Variants in CHI3L2 observed in about 807,000 individuals in gnomAD.
The protein encoded by CHI3L2 is chitinase-3-like protein 2.
A neutral mutation model predicts 47.3 loss-of-function variants in CHI3L2; 47 were observed. The ratio of observed to expected loss-of-function variants is 0.99; its 90% CI spans 0.79 to 1.27. CHI3L2 has a LOEUF of 1.27. CHI3L2 is among the 50% of genes most tolerant of loss of function. The pLI is 0.00. For missense variants in CHI3L2, 497 were observed against 462.1 expected (o/e 1.08, Z -0.69); for synonymous variants, 198 against 169.9 (o/e 1.17, Z -1.28).
At chr1:111,231,127 A>G in intron 3 of CHI3L2, 111 bp from the exon 4 acceptor site, 2 of 1,071,836 alleles carry the variant, frequency 1.9e-6, no homozygotes, top group Non-Finnish European at 2.8e-6. Flanking sequence ...CTTTAGTTCA[A>G]ACAGCCAGGC....
At chr1:111,238,600 C>T (rs1659952473) in intron 7 of CHI3L2, 150 bp from the exon 8 acceptor site, 1 of 694,256 alleles carries the variant, frequency 1.4e-6, no homozygotes, top group Non-Finnish European at 2.4e-6. Flanking sequence ...TTACAACAAG[C>T]ACTCTGGTCC....
At chr1:111,230,611 C>T (rs1172527491) in intron 2 of CHI3L2, 131 bp from the exon 3 acceptor site, 2 of 723,922 alleles carry the variant, frequency 2.8e-6, no homozygotes, top group Non-Finnish European at 4.6e-6. Flanking sequence ...AAGGCCCAGG[C>T]TGAATGACCC....
chr1:111,235,487 C>G, intron 5 of CHI3L2, 152 bp from the exon 6 acceptor site: 1 of 854,994 alleles, frequency 1.2e-6, no homozygotes, highest in Admixed American at 2.5e-5. Flanking sequence ...TGAGCAGATA[C>G]AGGCACAAGG....
At position 111,235,041 on chromosome 1, in the gene CHI3L2, T is replaced by G; in HGVS notation, c.464T>G (p.Phe155Cys). The change falls in exon 5 of 11, where the codon TTC becomes TGC. Residue 155 changes from phenylalanine to cysteine, a missense_variant. Physicochemically the swap from Phe to Cys is radical, Grantham distance 205. Transcript: ENST00000369748. Reference sequence around the variant, plus strand: ...CCAGATCAGAAAGAAAACACTCATTTCACTGTGCTGATTCATGTAAGTCAT... The same window carrying G: ...CCAGATCAGAAAGAAAACACTCATTGCACTGTGCTGATTCATGTAAGTCAT... ...IYPDQKENTH[F>C]TVLIHELAEA... 1 of 1,613,994 alleles carries G rather than the reference T, an allele frequency of 6.2e-7. No individual in the cohort carries two copies. The highest frequency in any genetic ancestry group is 8.5e-7 in the Non-Finnish European group (1 of 1,180,020).
chr1:111,241,603 C>G (rs1660060260), intron 9 of CHI3L2, among the ~76,000 whole-genome samples, 160 bp downstream of exon 9: 1 of 152,110 alleles, frequency 6.6e-6, no homozygotes, highest in African/African-American at 2.4e-5. Context: ...GACTCTATGT[C>G]ACACCCGCGA....
At position 111,236,041 on chromosome 1, in the gene CHI3L2, A is replaced by G. The variant is rs764626546; in HGVS notation, c.623A>G (p.Asn208Ser). ...CACTTTAGAGATCTGGATTTCATCA[A>G]CCTCCTGTCCTTTGACTTCCATGGG... Reference protein sequence around the residue: ...EKLAKDLDFINLLSFDFHGSW... With the variant: ...EKLAKDLDFISLLSFDFHGSW... Residue 208 changes from asparagine (N) to serine (S), a missense_variant, in exon 7 of 11, where the codon AAC becomes AGC. By Grantham distance (46) the Asn-to-Ser change is conservative. Coordinates refer to ENST00000369748, the MANE Select transcript of CHI3L2 (RefSeq NM_004000.3). The G allele has an allele frequency of 3.1e-6, 5 of 1,614,144 alleles. No individual in the cohort carries two copies. The highest frequency in any genetic ancestry group is 2.7e-5 in the African/African-American group (2 of 75,040).
At position 111,235,715 on chromosome 1, in the gene CHI3L2, C is replaced by T; in HGVS notation, c.557C>T (p.Ala186Val). ...ERLLLTAGVS[A>V]GRQMIDNSYQ... ...CTTCTCTTGACTGCGGGCGTATCTG[C>T]AGGGAGGCAAATGATTGATAACAGC... The change falls in exon 6 of 11, where the codon GCA becomes GTA. Residue 186 changes from alanine to valine, a missense_variant. Physicochemically the swap from Ala to Val is moderately conservative, Grantham distance 64. Coordinates refer to ENST00000369748, the MANE Select transcript of CHI3L2 (RefSeq NM_004000.3). 1 of 1,614,164 alleles carries T rather than the reference C, an allele frequency of 6.2e-7. No individual in the cohort carries two copies. Among genetic ancestry groups the T allele is most frequent in the Non-Finnish European group, 8.5e-7 (1 of 1,180,010 alleles).
intron 1 of CHI3L2, among the ~76,000 whole-genome samples, chr1:111,228,765 C>G (rs1659603043): frequency 6.6e-6 from 1 of 152,142 alleles, no homozygotes; most frequent in Admixed American, 6.5e-5. Flanking sequence ...ACTTTTGGAC[C>G]CGTAAAGGTT....
intron 9 of CHI3L2, 73 bp from the exon 10 acceptor site, chr1:111,242,154 T>C (rs1660076989): frequency 4.4e-6 from 7 of 1,596,648 alleles, no homozygotes; most frequent in Non-Finnish European, 5.1e-6. Flanking sequence ...GTCCCTCATC[T>C]GAACCTGATA....
chr1:111,231,593 G>T (rs1045801987), intron 4 of CHI3L2: 9 of 268,452 alleles, frequency 3.4e-5, no homozygotes, highest in African/African-American at 1.1e-4. Context: ...TCACTTTATG[G>T]ATTATAGAAT....
Position 111,243,327 on chromosome 1 carries a change from C to T in CHI3L2, c.*113C>T. On this transcript the variant is annotated 3_prime_UTR_variant, in exon 11 of 11. Transcript: ENST00000369748. The stretch of plus-strand genomic sequence containing the variant: ...CCAGGCTGGCCTTTGGATCTCTCTT[C>T]CAAGCCTTTCCTGACTTCCTCTTAG... 1 of 445,494 alleles carries T rather than the reference C, an allele frequency of 2.2e-6. No individual in the cohort carries two copies. Among genetic ancestry groups the T allele is most frequent in the Non-Finnish European group, 4.5e-6 (1 of 221,058 alleles). 27.6% of individuals were successfully genotyped at this position (445,494 alleles called of 1,614,324 possible). A position where few individuals can be genotyped will look rare whatever the true frequency, so the allele number is the denominator to read the frequency against.
chr1:111,234,993 G>C lies in CHI3L2; in HGVS notation c.416G>C (p.Gly139Ala). ...TTTCTGAGGAACCATAACTTTGATG[G>C]ACTGGATGTAAGCTGGATCTACCCA... ...ILFLRNHNFDGLDVSWIYPDQ... is the reference protein window; with the variant it reads ...ILFLRNHNFDALDVSWIYPDQ... Residue 139 changes from glycine (G) to alanine (A), a missense_variant, in exon 5 of 11, where the codon GGA (glycine) becomes GCA (alanine). Physicochemically the swap from Gly to Ala is moderately conservative, Grantham distance 60 (BLOSUM62 0). Coordinates refer to ENST00000369748, the MANE Select transcript of CHI3L2 (RefSeq NM_004000.3). 1 of 1,614,100 alleles carries C rather than the reference G, an allele frequency of 6.2e-7. No individual in the cohort carries two copies. Among genetic ancestry groups the C allele is most frequent in the Non-Finnish European group, 8.5e-7 (1 of 1,180,004 alleles).
chr1:111,231,700 C>A (rs1036829898), intron 4 of CHI3L2, among the ~76,000 whole-genome samples: 4 of 152,110 alleles, frequency 2.6e-5, no homozygotes, highest in African/African-American at 4.8e-5. Flanking sequence ...ATTCAGAAGC[C>A]CCACCATGGC....
rs371695473 is a variant in CHI3L2 at position 111,241,398 on chromosome 1, G to A, written c.990G>A (p.Gly330=). ...AGCAGGTTCCCTACGCAGTCAAGGG[G>A]AACCAGTGGGTGGGCTATGATGATG... ...QDQQVPYAVK[G]NQWVGYDDVK... The change falls in exon 9 of 11, where the codon GGG becomes GGA. Residue 330 remains glycine, a synonymous_variant. Transcript: ENST00000369748. 4 of 1,609,826 alleles carry A rather than the reference G, an allele frequency of 2.5e-6. No individual in the cohort carries two copies. The highest frequency in any genetic ancestry group is 2.6e-6 in the Non-Finnish European group (3 of 1,176,050).
In CHI3L2 at chr1:111,242,261, C is replaced by T. The variant is rs772819675; in HGVS notation, c.1070C>T (p.Ala357Val). Residue 357 changes from alanine (A) to valine (V), a missense_variant, in exon 10 of 11, where the codon GCC becomes GTC. Physicochemically the swap from Ala to Val is moderately conservative, Grantham distance 64. Coordinates refer to ENST00000369748, the MANE Select transcript of CHI3L2 (RefSeq NM_004000.3). ...TTAAAGAATTTAAACCTGGGAGGAG[C>T]CATGATCTGGTCTATTGACATGGAT... ...QFLKNLNLGGAMIWSIDMDDF... is the reference protein window; with the variant it reads ...QFLKNLNLGGVMIWSIDMDDF... 6 of 1,614,012 alleles carry T rather than the reference C, an allele frequency of 3.7e-6. No homozygotes were observed. In the Admixed American group the frequency reaches 1.0e-4, roughly 27 times the overall value.
At chr1:111,242,166 G>C in intron 9 of CHI3L2, 61 bp from the exon 10 acceptor site, 1 of 1,606,102 alleles carries the variant, frequency 6.2e-7, no homozygotes, top group Admixed American at 1.7e-5. Context: ...AACCTGATAT[G>C]GTCCTGGGCA....
intron 6 of CHI3L2, 82 bp downstream of exon 6, chr1:111,235,845 A>T (rs1659869901): frequency 6.3e-7 from 1 of 1,576,742 alleles, no homozygotes; most frequent in South Asian, 1.2e-5. Context: ...TTGACGGATG[A>T]GGGGAGGAGG....
At chr1:111,229,736 A>G in intron 1 of CHI3L2, 116 bp from the exon 2 acceptor site, 5 of 1,387,858 alleles carry the variant, frequency 3.6e-6, no homozygotes, top group Non-Finnish European at 4.8e-6. Flanking sequence ...TGGGGAGCCC[A>G]GATGAAGTGT....
rs977768259 is a variant in CHI3L2, at chr1:111,231,395, G to A, written c.329+101G>A. 4 of 926,614 alleles carry A rather than the reference G, an allele frequency of 4.3e-6. No homozygotes were observed. The South Asian group carries it at 4.5e-5, about 10-fold the overall frequency. 57.4% of individuals were successfully genotyped at this position (926,614 alleles called of 1,614,324 possible). On this transcript the variant is annotated intron_variant, in intron 4 of 10. Coordinates refer to ENST00000369748, the MANE Select transcript of CHI3L2 (RefSeq NM_004000.3). ...AGAGATATTAAACTAGGCTTTAAGA[G>A]GTTTTCCCTTGGCCAGGTGGCAAAA... is the stretch of plus-strand genomic sequence containing the variant.
Sources: allele counts gnomAD v4.1 joint callset (sites outside exome capture counted in the v4.1 genomes callset), GRCh38; gene constraint gnomAD v4.1.1; transcripts MANE v1.5; gene names NCBI Gene and HGNC (gene_info 2026-07-23, HGNC 2026-07-21).